SGCZ: variants seen among roughly 807,000 people sequenced by gnomAD.
SGCZ encodes the protein sarcoglycan zeta.
A neutral mutation model predicts 41.3 loss-of-function variants in SGCZ; 40 were observed. The ratio of observed to expected loss-of-function variants is 0.97; its 90% CI spans 0.75 to 1.26. SGCZ has a LOEUF of 1.26. SGCZ is among the 50% of genes most tolerant of loss of function. SGCZ has a pLI of 0.00. For synonymous variants in SGCZ, 206 were observed against 137.5 expected, an observed-to-expected ratio of 1.50 and a Z score of -3.49; for missense variants, 552 against 369.8, an observed-to-expected ratio of 1.49 and a Z score of -4.04.
chr8:14,393,315 A>C (rs563646552), intron 2 of SGCZ, among the ~76,000 whole-genome samples: 11 of 151,968 alleles, frequency 7.2e-5, no homozygotes, highest in Non-Finnish European at 1.2e-4. Context: ...AGACATAGAC[A>C]AGCAGGCTGG....
intron 1 of SGCZ, among the ~76,000 whole-genome samples, chr8:15,009,827 A>T (rs1017566849): frequency 6.6e-6 from 1 of 152,100 alleles, no homozygotes; most frequent in African/African-American, 2.4e-5. Context: ...CCATTTTTTT[A>T]AATTCTTAAA....
At chr8:14,648,675 T>G (rs916447306) in intron 1 of SGCZ, among the ~76,000 whole-genome samples, 6 of 152,074 alleles carry the variant, frequency 3.9e-5, no homozygotes, top group Non-Finnish European at 7.4e-5. Context: ...TATTTTTCCA[T>G]AAGTGAAGAA....
intron 1 of SGCZ, among the ~76,000 whole-genome samples, chr8:14,840,483 C>G (rs563942745): frequency 3.5e-4 from 53 of 152,150 alleles, no homozygotes; most frequent in African/African-American, 1.2e-3. Context: ...AGCTGTGATT[C>G]ACAGTACTTC....
chr8:15,156,252 T>C (rs543638316), intron 1 of SGCZ, among the ~76,000 whole-genome samples: 1 of 152,138 alleles, frequency 6.6e-6, no homozygotes, highest in African/African-American at 2.4e-5. Flanking sequence ...CCTGAAAGAC[T>C]GAGGCCTTAT....
At chr8:14,460,347 T>C (rs1022600128) in intron 2 of SGCZ, among the ~76,000 whole-genome samples, 6 of 152,178 alleles carry the variant, frequency 3.9e-5, no homozygotes, top group Non-Finnish European at 7.3e-5. Flanking sequence ...CAGAAACCAC[T>C]GTCCTAAAAC....
chr8:14,230,392 A>G (rs985241756), intron 4 of SGCZ, among the ~76,000 whole-genome samples: 3 of 152,148 alleles, frequency 2.0e-5, no homozygotes, highest in African/African-American at 7.2e-5. Context: ...CCAATACCTT[A>G]CTATATGTTA....
At chr8:14,494,977 G>T (rs1801948934) in intron 2 of SGCZ, among the ~76,000 whole-genome samples, 1 of 152,146 alleles carries the variant, frequency 6.6e-6, no homozygotes, top group Non-Finnish European at 1.5e-5. Context: ...GTAATTTGGG[G>T]AATGTGTCTA....
intron 1 of SGCZ, among the ~76,000 whole-genome samples, chr8:15,017,271 T>C (rs893968865): frequency 1.4e-4 from 22 of 152,208 alleles, no homozygotes; most frequent in African/African-American, 4.6e-4. Context: ...TAGGATTCGA[T>C]AATGCATGAA....
intron 5 of SGCZ, among the ~76,000 whole-genome samples, chr8:14,142,725 C>T (rs192734598): frequency 7.2e-5 from 11 of 152,164 alleles, no homozygotes; most frequent in Admixed American, 6.5e-5. Flanking sequence ...TGGGAGGTGA[C>T]GAGGCCATGG....
chr8:15,135,994 T>C (rs1808090369), intron 1 of SGCZ, among the ~76,000 whole-genome samples: 1 of 152,180 alleles, frequency 6.6e-6, no homozygotes, highest in East Asian at 1.9e-4. Flanking sequence ...GTGGTAACTT[T>C]CAGGTTATCG....
chr8:14,105,922 T>TAA (rs1802189044), intron 6 of SGCZ, among the ~76,000 whole-genome samples: 1 of 152,148 alleles, frequency 6.6e-6, no homozygotes, highest in Non-Finnish European at 1.5e-5. Context: ...TCTTTAAGTA[T>TAA]AAATTTAAGT....
chr8:14,196,777 C>T (rs974816749), intron 4 of SGCZ, among the ~76,000 whole-genome samples: 5 of 151,940 alleles, frequency 3.3e-5, no homozygotes, highest in East Asian at 1.9e-4. Context: ...AGAAACCAGC[C>T]GCCAAAACTA....
At chr8:14,194,894 G>C (rs1428228486) in intron 4 of SGCZ, among the ~76,000 whole-genome samples, 1 of 152,008 alleles carries the variant, frequency 6.6e-6, no homozygotes, top group Non-Finnish European at 1.5e-5. Context: ...AATGAGGAAT[G>C]ATTAGCTTTA....
chr8:14,718,249 T>C (rs11991086), intron 1 of SGCZ, among the ~76,000 whole-genome samples: 46,030 of 151,598 alleles, frequency 0.3, 7,503 homozygotes, highest in East Asian at 0.42. Flanking sequence ...TTTAATGTTT[T>C]AATTTTTCGT....
At chr8:14,604,259 TCAC>T (rs1427652443) in intron 1 of SGCZ, among the ~76,000 whole-genome samples, 2 of 152,106 alleles carry the variant, frequency 1.3e-5, no homozygotes, top group Non-Finnish European at 2.9e-5. Context: ...CACTTGCATT[TCAC>T]CACCAACTTC....
chr8:14,483,002 A>AC lies in SGCZ; in HGVS notation c.234+71729_234+71730insG, dbSNP rs1491154038. ...CATATATCTTTATACACACACACAC[A>AC]AACACATATCCTATTGCTTCTGTTT... On this transcript the variant is annotated intron_variant, in intron 2 of 7. Coordinates refer to ENST00000382080, the MANE Select transcript of SGCZ (RefSeq NM_139167.4). 7.9e-5 allele frequency among the ~76,000 whole-genome samples: 12 copies of AC among 152,122 alleles called. 1 individual carries two copies. The highest frequency in any genetic ancestry group is 3.9e-4 in the Admixed American group (6 of 15,266).
intron 2 of SGCZ, among the ~76,000 whole-genome samples, chr8:14,387,392 C>T (rs1458452492): frequency 3.3e-5 from 5 of 152,070 alleles, no homozygotes; most frequent in African/African-American, 1.2e-4. Context: ...TTAAAAATAT[C>T]CACTATGTAG....
At chr8:14,232,738 A>C (rs1022336701) in intron 4 of SGCZ, among the ~76,000 whole-genome samples, 37 of 152,048 alleles carry the variant, frequency 2.4e-4, no homozygotes, top group Non-Finnish European at 8.8e-5. Context: ...AAGACAAGTA[A>C]ATGATTCTGA....
At chr8:14,301,878 A>G (rs1426427270) in intron 3 of SGCZ, among the ~76,000 whole-genome samples, 1 of 152,192 alleles carries the variant, frequency 6.6e-6, no homozygotes, top group Non-Finnish European at 1.5e-5. Flanking sequence ...AAAGCACCAA[A>G]AAAGTATTTT....
Sources: gnomAD v4.1 joint callset for allele counts (sites outside exome capture counted in the v4.1 genomes callset) on GRCh38, gnomAD v4.1.1 for gene constraint, MANE v1.5 for transcripts, NCBI Gene and HGNC (gene_info 2026-07-23, HGNC 2026-07-21) for gene names.